The following KDM4B variants were observed in gnomAD, a reference collection of about 807,000 sequenced individuals.
KDM4B encodes lysine-specific demethylase 4B.
In KDM4B, 32 loss-of-function variants were observed where a neutral mutation model predicts 125.2. The observed-to-expected ratio is 0.26, with a 90% CI of 0.19 to 0.34. The LOEUF (loss-of-function observed/expected upper bound fraction) is 0.34, where lower values mean the gene tolerates loss of function less well. Among genes scored for constraint, KDM4B ranks in the 10% least tolerant of loss-of-function variants. KDM4B has a pLI of 1.00. For missense variants in KDM4B, 1,190 were observed against 1,577.7 expected, an observed-to-expected ratio of 0.75 and a Z score of 4.16; for synonymous variants, 721 against 677.9, an observed-to-expected ratio of 1.06 and a Z score of -0.99.
intron 10 of KDM4B, chr19:5,112,020 A>G (rs1475743292): frequency 3.5e-6 from 2 of 566,512 alleles, no homozygotes; most frequent in East Asian, 5.9e-5. Context: ...TTGGAGGCCA[A>G]GGAAGGAGGA....
chr19:5,135,940 C>T (rs2039641167), intron 15 of KDM4B, among the ~76,000 whole-genome samples: 1 of 152,248 alleles, frequency 6.6e-6, no homozygotes, highest in East Asian at 1.9e-4. Context: ...GCACTGGGCT[C>T]ATCCCACCCT....
In KDM4B at chr19:4,997,031, G is replaced by C. The variant is rs1485887370; in HGVS notation, c.-108-19226G>C. 6.6e-6 allele frequency among the ~76,000 whole-genome samples: 1 copy of C among 151,706 alleles called. No homozygotes were observed. The highest frequency in any genetic ancestry group is 1.5e-5 in the Non-Finnish European group (1 of 67,920). On this transcript the variant is annotated intron_variant, in intron 1 of 22. Transcript: ENST00000159111. This position sits in a 1 kb window ranked among gnomAD's most constrained non-coding sequence, Gnocchi z 4.2. ...TGCATGGTTGGGCAGTGTGGGTCTG[G>C]GTGAGTGGGTTCTTTGCATCCCTGG...
At chr19:4,985,943 G>A (rs1452475836) in intron 1 of KDM4B, among the ~76,000 whole-genome samples, 3 of 152,214 alleles carry the variant, frequency 2.0e-5, no homozygotes, top group South Asian at 2.1e-4. Context: ...GCCGTCTCCC[G>A]GTTTTTCCCT....
chr19:5,043,394 G>T (rs972669999), intron 5 of KDM4B, among the ~76,000 whole-genome samples: 1 of 149,726 alleles, frequency 6.7e-6, no homozygotes, highest in Admixed American at 6.7e-5. Context: ...GTTTATCGGA[G>T]TGGGGGGGTC....
At position 4,997,388 on chromosome 19, in the gene KDM4B, C is replaced by T. The variant is rs994852564; in HGVS notation, c.-108-18869C>T. On this transcript the variant is annotated intron_variant, in intron 1 of 22. Transcript: ENST00000159111. This position sits in a 1 kb window ranked among gnomAD's most constrained non-coding sequence, Gnocchi z 4.2. ...CAGGAGCGTCGGCCCCTGGCTTCCACTGTGTCCTTCTGTGGTTCATGAGGA... is the reference window on the plus strand; with the variant it reads ...CAGGAGCGTCGGCCCCTGGCTTCCATTGTGTCCTTCTGTGGTTCATGAGGA... 6.6e-6 allele frequency among the ~76,000 whole-genome samples: 1 copy of T among 152,132 alleles called. No homozygotes were observed. Among genetic ancestry groups the T allele is most frequent in the African/African-American group, 2.4e-5 (1 of 41,408 alleles).
At chr19:5,127,443 G>T (rs904646329) in intron 11 of KDM4B, among the ~76,000 whole-genome samples, 6 of 152,190 alleles carry the variant, frequency 3.9e-5, no homozygotes, top group African/African-American at 1.4e-4. Flanking sequence ...CCTGGGAGCC[G>T]ACAGGGAGAG....
intron 2 of KDM4B, among the ~76,000 whole-genome samples, chr19:5,029,299 T>A (rs780197142): frequency 6.6e-6 from 1 of 152,208 alleles, no homozygotes; most frequent in Non-Finnish European, 1.5e-5. Context: ...AGCATGTTGC[T>A]GTTGCCGGGC....
At chr19:5,105,919 T>C (rs1414487017) in intron 9 of KDM4B, among the ~76,000 whole-genome samples, 1 of 152,270 alleles carries the variant, frequency 6.6e-6, no homozygotes, top group East Asian at 1.9e-4. Flanking sequence ...GCAGGCCAGA[T>C]GTGGCCCATG....
chr19:5,120,043 C>T (rs957903756), intron 11 of KDM4B, among the ~76,000 whole-genome samples, 191 bp downstream of exon 11: 1 of 152,212 alleles, frequency 6.6e-6, no homozygotes, highest in African/African-American at 2.4e-5. Flanking sequence ...AAAGTGCCTC[C>T]GTCCCCAGAA....
At chr19:4,981,051 A>G (rs758818188) in intron 1 of KDM4B, among the ~76,000 whole-genome samples, 1 of 152,198 alleles carries the variant, frequency 6.6e-6, no homozygotes, top group Non-Finnish European at 1.5e-5. Flanking sequence ...GTGAGGCCAC[A>G]GGGTCTAGGC....
intron 12 of KDM4B, 51 bp downstream of exon 12, chr19:5,131,596 A>AGGGAGGAGGGGGGCAGGTGGGGTGGGGCG (rs2039552246): frequency 2.6e-5 from 3 of 114,778 alleles, no homozygotes; most frequent in Middle Eastern, 3.2e-3. Flanking sequence ...GGGGTGGGGC[A>AGGGAGGAGGGGGGCAGGTGGGGTGGGGCG]GGGGAGGAGG....
intron 11 of KDM4B, among the ~76,000 whole-genome samples, chr19:5,120,231 G>A (rs997005977): frequency 1.3e-5 from 2 of 152,226 alleles, no homozygotes; most frequent in African/African-American, 4.8e-5. Context: ...CCAGCTACTT[G>A]GGAAGCTGAG....
rs530049195 is a variant in KDM4B, at chr19:5,020,323, G to A, written c.-26+3984G>A. On this transcript the variant is annotated intron_variant, in intron 2 of 22. Transcript: ENST00000159111. ...TGCAGGTGTTGGTGTGGGTGTTGGT[G>A]TGCAGGTGTTGGTGTGTAGGTGTTG... is the stretch of plus-strand genomic sequence containing the variant. Among the ~76,000 whole-genome samples the A allele has an allele frequency of 7.2e-5, 11 of 151,854 alleles. No individual in the cohort carries two copies. In the East Asian group the frequency reaches 2.2e-3, roughly 30 times the overall value.
In KDM4B at chr19:5,035,770, G is replaced by A. The variant is rs1007220844; in HGVS notation, c.141+2739G>A. The stretch of plus-strand genomic sequence containing the variant: ...CCATGCTGCTTCTCCTTGCACCAGT[G>A]CAGAGAATCCTTTCTCAAACCCGTG... On this transcript the variant is annotated intron_variant, in intron 3 of 22. Transcript: ENST00000159111. This position sits in a 1 kb window ranked among gnomAD's most constrained non-coding sequence, Gnocchi z 5.3. Among the ~76,000 whole-genome samples, 31 of 152,136 alleles carry A rather than the reference G, an allele frequency of 2.0e-4. No homozygotes were observed. The highest frequency in any genetic ancestry group is 6.5e-4 in the African/African-American group (27 of 41,426).
chr19:5,120,309 AC>A (rs1458488188), intron 11 of KDM4B, among the ~76,000 whole-genome samples: 1 of 152,240 alleles, frequency 6.6e-6, no homozygotes, highest in Non-Finnish European at 1.5e-5. Context: ...ACAGAGCAAG[AC>A]CCAGTATCAC....
chr19:5,059,127 C>T (rs1172201106), intron 6 of KDM4B, among the ~76,000 whole-genome samples: 1 of 152,226 alleles, frequency 6.6e-6, no homozygotes, highest in Admixed American at 6.5e-5. Context: ...GGGTTCTGAG[C>T]TCAGGGCCTG....
At chr19:5,113,967 T>C in intron 10 of KDM4B, 1 of 1,236,010 alleles carries the variant, frequency 8.1e-7, no homozygotes. Context: ...CCACCTTACA[T>C]GGGTCTCTTC....
chr19:5,031,249 C>T (rs2036445710), intron 2 of KDM4B, among the ~76,000 whole-genome samples: 1 of 152,216 alleles, frequency 6.6e-6, no homozygotes. Context: ...GCGAGGGGCC[C>T]GCTGGGACAG....
At chr19:5,102,224 G>A (rs1313399103) in intron 9 of KDM4B, among the ~76,000 whole-genome samples, 1 of 152,204 alleles carries the variant, frequency 6.6e-6, no homozygotes, top group Non-Finnish European at 1.5e-5. Context: ...CATCCTCCCT[G>A]TCCTTGCAGG....
Sources: gnomAD v4.1 joint callset for allele counts (sites outside exome capture counted in the v4.1 genomes callset) on GRCh38, gnomAD v4.1.1 for gene constraint, Gnocchi (gnomAD v3.1) non-coding constraint, MANE v1.5 for transcripts, NCBI Gene and HGNC (gene_info 2026-07-23, HGNC 2026-07-21) for gene names.